DCBLD2: variants seen among roughly 807,000 people sequenced by gnomAD.
DCBLD2 encodes the protein discoidin, CUB and LCCL domain-containing protein 2.
Under a neutral mutation model 86.8 loss-of-function variants are expected in DCBLD2, and 54 were observed. The ratio of observed to expected loss-of-function variants is 0.62; its 90% CI spans 0.50 to 0.78. DCBLD2 has a LOEUF of 0.78. Ranked by LOEUF, DCBLD2 falls within the 30% of genes least tolerant of loss-of-function variation. DCBLD2 has a pLI of 0.00. For missense variants in DCBLD2, 908 were observed against 954.2 expected (o/e 0.95, Z 0.64); for synonymous variants, 354 against 341.3 (o/e 1.04, Z -0.41).
At chr3:98,806,247 GA>G (rs1941836382) in intron 13 of DCBLD2, among the ~76,000 whole-genome samples, 2 of 152,140 alleles carry the variant, frequency 1.3e-5, no homozygotes, top group South Asian at 4.1e-4. Context: ...GTAGAGATGT[GA>G]AACTTTCCTA....
chr3:98,890,421 C>T (rs910105192), intron 1 of DCBLD2: 3 of 152,076 alleles, frequency 2.0e-5, no homozygotes, highest in Admixed American at 6.6e-5. Flanking sequence ...GCATGGCCCT[C>T]TGCACACCCT....
At chr3:98,870,737 A>AAAG (rs1553731634) in intron 2 of DCBLD2, among the ~76,000 whole-genome samples, 4 of 69,824 alleles carry the variant, frequency 5.7e-5, no homozygotes, top group African/African-American at 1.7e-4. Context: ...AAAAGAAAGA[A>AAAG]AAAGAAAGAA....
chr3:98,834,487 AGTCT>A (rs1942391083), intron 3 of DCBLD2, among the ~76,000 whole-genome samples: 1 of 152,104 alleles, frequency 6.6e-6, no homozygotes, highest in African/African-American at 2.4e-5. Flanking sequence ...AGTAACCACC[AGTCT>A]ATTCTCTAAC....
chr3:98,828,276 G>A lies in DCBLD2; in HGVS notation c.572-2910C>T, dbSNP rs149030391. Among the ~76,000 whole-genome samples, 1,340 of 152,260 alleles carry A rather than the reference G, an allele frequency of 8.8e-3. 27 individuals carry two copies. The highest frequency in any genetic ancestry group is 0.03 in the African/African-American group (1,247 of 41,562). On this transcript the variant is annotated intron_variant, in intron 3 of 15. Coordinates refer to ENST00000326840, the MANE Select transcript of DCBLD2 (RefSeq NM_080927.4). ...TTAAGAAAGAGAAAGATGGCACACA[G>A]AATGGGAGAAAACATTCACAAATGA...
At chr3:98,899,211 A>T (rs1016985740) in intron 1 of DCBLD2, among the ~76,000 whole-genome samples, 3 of 151,840 alleles carry the variant, frequency 2.0e-5, no homozygotes, top group Non-Finnish European at 2.9e-5. Context: ...ATTAAACCTT[A>T]AAAAATGAAG....
At position 98,799,413 on chromosome 3, in the gene DCBLD2, C is replaced by T. The variant is rs1313659033; in HGVS notation, c.2287G>A (p.Gly763Arg). Reference protein sequence around the residue: ...PQSTQEVSGAGRDGECDVFKE... With the variant: ...PQSTQEVSGARRDGECDVFKE... ...AAAACATCACATTCCCCATCCCTTC[C>T]TGCTCCTGATACTTCTTGTGTGCTC... Residue 763 changes from glycine to arginine, a missense_variant, in exon 16 of 16, where the codon GGA becomes AGA. Gly to Arg is a moderately radical substitution (Grantham distance 125). Around this residue, in one of 3 missense-constraint regions of DCBLD2, gnomAD observed 606 missense variants for 678.5 expected, o/e 0.89. Coordinates refer to ENST00000326840, the MANE Select transcript of DCBLD2 (RefSeq NM_080927.4). The T allele has an allele frequency of 1.2e-6, 2 of 1,613,724 alleles. No homozygotes were observed. The highest frequency in any genetic ancestry group is 1.7e-6 in the Non-Finnish European group (2 of 1,179,704).
chr3:98,881,463 TTTAATG>T (rs1943468813), intron 2 of DCBLD2, 71 bp downstream of exon 2: 2 of 1,336,268 alleles, frequency 1.5e-6, no homozygotes, highest in African/African-American at 1.4e-5. Flanking sequence ...TGCATGGTTA[TTTAATG>T]TTAATATCAA....
At chr3:98,822,549 A>T (rs1447025061) in intron 5 of DCBLD2, 120 bp downstream of exon 5, 3 of 1,246,694 alleles carry the variant, frequency 2.4e-6, no homozygotes, top group East Asian at 5.1e-5. Flanking sequence ...ACATATGATT[A>T]AAAAATGTCT....
intron 2 of DCBLD2, among the ~76,000 whole-genome samples, chr3:98,863,687 C>T (rs1256144244): frequency 6.6e-6 from 1 of 152,196 alleles, no homozygotes; most frequent in African/African-American, 2.4e-5. Context: ...TGGATCCCTT[C>T]CTTACACCTT....
At chr3:98,877,535 A>G (rs888230817) in intron 2 of DCBLD2, among the ~76,000 whole-genome samples, 1 of 152,224 alleles carries the variant, frequency 6.6e-6, no homozygotes, top group Admixed American at 6.5e-5. Context: ...TTAGTATTAA[A>G]GGTATCAGCA....
intron 14 of DCBLD2, 83 bp from the exon 15 acceptor site, chr3:98,800,799 C>A: frequency 6.4e-7 from 1 of 1,568,778 alleles, no homozygotes; most frequent in Non-Finnish European, 8.7e-7. Flanking sequence ...AATCCTGTTG[C>A]ATTTAAGCCA....
rs12487717 is a variant in DCBLD2 at position 98,886,163 on chromosome 3, G to A, written c.206-4396C>T. On this transcript the variant is annotated intron_variant, in intron 1 of 15. Coordinates refer to ENST00000326840, the MANE Select transcript of DCBLD2 (RefSeq NM_080927.4). ...GTTATACTAAAGAGTTTTATGTTCC[G>A]ACTTTCCAATTTTTAAAAAAAGTAA... 7.3e-3 allele frequency among the ~76,000 whole-genome samples: 1,113 copies of A among 151,796 alleles called. 9 individuals carry two copies. Among genetic ancestry groups the A allele is most frequent in the Middle Eastern group, 0.014 (4 of 294 alleles).
chr3:98,825,279 C>CAAA lies in DCBLD2; in HGVS notation c.623+33_623+35dup, dbSNP rs11341324. 4,091 of 1,263,264 alleles carry CAAA rather than the reference C, an allele frequency of 3.2e-3. 86 individuals carry two copies. In the African/African-American group the frequency reaches 0.068, roughly 21 times the overall value. 78.3% of individuals were successfully genotyped at this position (1,263,264 alleles called of 1,614,324 possible). ...AAGTGAATGAAAAGTAACATTTAAG[C>CAAA]AAAAAAAAAAAAAAAAGTCACAAAT... is the stretch of plus-strand genomic sequence containing the variant. On this transcript the variant is annotated intron_variant, in intron 4 of 15. Coordinates refer to ENST00000326840, the MANE Select transcript of DCBLD2 (RefSeq NM_080927.4).
chr3:98,843,045 T>C (rs1942649718), intron 3 of DCBLD2, among the ~76,000 whole-genome samples: 1 of 152,202 alleles, frequency 6.6e-6, no homozygotes, highest in African/African-American at 2.4e-5. Context: ...AACTCTATCC[T>C]GTAATGTGAA....
In DCBLD2 at chr3:98,844,055, CACA is replaced by C. The variant is rs781566758; in HGVS notation, c.571+5403_571+5405del. Among the ~76,000 whole-genome samples, 140 of 151,784 alleles carry C rather than the reference CACA, an allele frequency of 9.2e-4. 1 individual carries two copies. The highest frequency in any genetic ancestry group is 1.8e-3 in the Non-Finnish European group (120 of 67,918). On this transcript the variant is annotated intron_variant, in intron 3 of 15. Coordinates refer to ENST00000326840, the MANE Select transcript of DCBLD2 (RefSeq NM_080927.4). ...GCATGCACACACACACACACACACA[CACA>C]CACACCCCAATTATGGTACATATGA...
At position 98,900,540 on chromosome 3, in the gene DCBLD2, G is replaced by A. The variant is rs181589618; in HGVS notation, c.205+582C>T. On this transcript the variant is annotated intron_variant, in intron 1 of 15. Transcript: ENST00000326840. ...CTTTTTAATGTGGAGAGCTTCACTT[G>A]GGCAAATTAGCATAGCGTTGGGTCA... Among the ~76,000 whole-genome samples, 173 of 152,080 alleles carry A rather than the reference G, an allele frequency of 1.1e-3. 1 individual carries two copies. Among genetic ancestry groups the A allele is most frequent in the African/African-American group, 4.0e-3 (164 of 41,500 alleles).
intron 8 of DCBLD2, among the ~76,000 whole-genome samples, chr3:98,818,285 C>T (rs571516193): frequency 1.2e-4 from 19 of 152,162 alleles, no homozygotes; most frequent in East Asian, 1.2e-3. Flanking sequence ...CCAATTATTC[C>T]GACCATTTGC....
intron 4 of DCBLD2, among the ~76,000 whole-genome samples, chr3:98,823,548 C>A (rs950049183): frequency 6.6e-6 from 1 of 152,126 alleles, no homozygotes; most frequent in African/African-American, 2.4e-5. Flanking sequence ...GTCAAACAGA[C>A]AAATATTGCC....
chr3:98,848,108 C>T (rs767083229), intron 3 of DCBLD2, among the ~76,000 whole-genome samples: 12 of 152,128 alleles, frequency 7.9e-5, no homozygotes, highest in Admixed American at 1.3e-4. Context: ...AGTTATTTTT[C>T]CTGATCCTCT....
Sources: allele counts gnomAD v4.1 joint callset (sites outside exome capture counted in the v4.1 genomes callset), GRCh38; gene constraint gnomAD v4.1.1; regional missense constraint gnomAD v4.1.1; transcripts MANE v1.5; gene names NCBI Gene and HGNC (gene_info 2026-07-23, HGNC 2026-07-21).